ADAM17: variants seen among roughly 807,000 people sequenced by gnomAD.
ADAM17 encodes disintegrin and metalloproteinase domain-containing protein 17.
A neutral mutation model predicts 96.7 loss-of-function variants in ADAM17; 39 were observed. That is an observed-to-expected ratio of 0.40 (90% CI 0.31 to 0.53). The LOEUF (loss-of-function observed/expected upper bound fraction) is 0.53. ADAM17 is among the 20% of genes least tolerant of loss of function. The pLI is 0.44. For synonymous variants in ADAM17, 344 were observed against 359.2 expected (o/e 0.96, Z 0.48); for missense variants, 777 against 1,013.2 (o/e 0.77, Z 3.17).
chr2:9,544,121 CCCTACCCT>C (rs931571036), intron 1 of ADAM17, among the ~76,000 whole-genome samples: 1 of 152,182 alleles, frequency 6.6e-6, no homozygotes, highest in South Asian at 2.1e-4. Context: ...CTACCCAATA[CCCTACCCT>C]CCTACCCTCC....
intron 11 of ADAM17, 130 bp downstream of exon 11, chr2:9,509,849 G>A: frequency 2.5e-6 from 3 of 1,195,068 alleles, no homozygotes; most frequent in Non-Finnish European, 2.3e-6. Flanking sequence ...CACGTTTCAA[G>A]GTACTTTGTA....
In ADAM17 at chr2:9,520,964, C is replaced by CAAAAAAAAAA. The variant is rs55909096; in HGVS notation, c.957+229_957+238dup. Among the ~76,000 whole-genome samples the CAAAAAAAAAA allele has an allele frequency of 4.9e-3, 130 of 26,274 alleles. 5 individuals are homozygous for CAAAAAAAAAA. The highest frequency in any genetic ancestry group is 7.0e-3 in the Non-Finnish European group (80 of 11,376). 17.2% of individuals were successfully genotyped at this position (26,274 alleles called of 152,430 possible). A position where few individuals can be genotyped will look rare whatever the true frequency, so the allele number is the denominator to read the frequency against. On this transcript the variant is annotated intron_variant, in intron 8 of 18. Coordinates refer to ENST00000310823, the MANE Select transcript of ADAM17 (RefSeq NM_003183.6). ...GGGCAACAAGAGTGAAACTCTGTCT[C>CAAAAAAAAAA]AAAAAAAAAAAAAAAAAAAAAAGGA... is the stretch of plus-strand genomic sequence containing the variant.
chr2:9,551,275 C>T (rs1235676728), intron 1 of ADAM17, among the ~76,000 whole-genome samples: 2 of 151,478 alleles, frequency 1.3e-5, no homozygotes, highest in African/African-American at 4.9e-5. Context: ...CGGAGAGATG[C>T]CCATTTCCTT....
In ADAM17 at chr2:9,497,265, G is replaced by A. The variant is rs376793860; in HGVS notation, c.1649-17C>T. On this transcript the variant is annotated splice_polypyrimidine_tract_variant and intron_variant, in intron 13 of 18. Transcript: ENST00000310823. ...TGCTATTACCTGGAAGCAAACACCAGTCATAACAAAAAGAATGAGTCACAG... is the reference window on the plus strand; with the variant it reads ...TGCTATTACCTGGAAGCAAACACCAATCATAACAAAAAGAATGAGTCACAG... 1.9e-6 allele frequency: 3 copies of A among 1,613,450 alleles called. No homozygotes were observed. Among genetic ancestry groups the A allele is most frequent in the Non-Finnish European group, 8.5e-7 (1 of 1,179,676 alleles).
At chr2:9,495,585 T>C (rs1450951523) in intron 14 of ADAM17, among the ~76,000 whole-genome samples, 2 of 151,822 alleles carry the variant, frequency 1.3e-5, no homozygotes, top group African/African-American at 4.8e-5. Context: ...GTGGTGGTGC[T>C]TGCCTGTAGT....
At chr2:9,549,207 C>A (rs1246682350) in intron 1 of ADAM17, among the ~76,000 whole-genome samples, 1 of 152,030 alleles carries the variant, frequency 6.6e-6, no homozygotes, top group African/African-American at 2.4e-5. Flanking sequence ...CCAGTCTCTA[C>A]TAAAAATACA....
Position 9,494,657 on chromosome 2 carries a change from C to T in ADAM17, c.1894G>A (p.Val632Ile), listed in dbSNP as rs371598292. 8.1e-6 allele frequency: 13 copies of T among 1,613,950 alleles called. No homozygotes were observed. The African/African-American group carries it at 1.6e-4, about 20-fold the overall frequency. Residue 632 changes from valine to isoleucine, a missense_variant, in exon 15 of 19, where the codon GTA becomes ATA. Around this residue, in one of 3 missense-constraint regions of ADAM17, gnomAD observed 446 missense variants for 664.7 expected, o/e 0.67. Transcript: ENST00000310823. The stretch of plus-strand genomic sequence containing the variant: ...CTCACATTCATGTCACAAAATCCTA[C>T]TGTACAGGGCTTTCCTTTCCTCAAA... ...LFLRKGKPCTVGFCDMNGKCE... is the reference protein window; with the variant it reads ...LFLRKGKPCTIGFCDMNGKCE...
intron 15 of ADAM17, among the ~76,000 whole-genome samples, 180 bp downstream of exon 15, chr2:9,494,457 C>T (rs912163855): frequency 2.6e-5 from 4 of 152,200 alleles, no homozygotes; most frequent in African/African-American, 9.7e-5. Context: ...AAGGAAACTA[C>T]AGGCAGGGAC....
At chr2:9,551,273 T>G (rs900061395) in intron 1 of ADAM17, among the ~76,000 whole-genome samples, 1 of 151,328 alleles carries the variant, frequency 6.6e-6, no homozygotes, top group Non-Finnish European at 1.5e-5. Context: ...AACGGAGAGA[T>G]GCCCATTTCC....
chr2:9,553,672 C>T (rs1201060876), intron 1 of ADAM17, among the ~76,000 whole-genome samples: 10 of 79,264 alleles, frequency 1.3e-4, no homozygotes, highest in African/African-American at 4.5e-4. Context: ...CAAAACACTG[C>T]CTCAAAAAAA....
intron 1 of ADAM17, among the ~76,000 whole-genome samples, chr2:9,547,015 C>G (rs1665424040): frequency 6.6e-6 from 1 of 152,202 alleles, no homozygotes; most frequent in Non-Finnish European, 1.5e-5. Flanking sequence ...CCCATATTCT[C>G]TCTTTAAAAA....
At chr2:9,539,975 T>C (rs1665140893) in intron 2 of ADAM17, among the ~76,000 whole-genome samples, 1 of 152,184 alleles carries the variant, frequency 6.6e-6, no homozygotes, top group Non-Finnish European at 1.5e-5. Flanking sequence ...AAATATTTAG[T>C]ATGGAAACTT....
In ADAM17 at chr2:9,523,462, T is replaced by C. The variant is rs190572964; in HGVS notation, c.754-124A>G. 1.6e-5 allele frequency: 12 copies of C among 754,622 alleles called. No homozygotes were observed. The Admixed American group carries it at 3.5e-4, about 22-fold the overall frequency. 46.7% of individuals were successfully genotyped at this position (754,622 alleles called of 1,614,324 possible). ...GAGGCCATTGCAAAAGTTTCTACTT[T>C]CGCAAAAACTAGCATTGAGATGTTA... On this transcript the variant is annotated intron_variant, in intron 6 of 18. Transcript: ENST00000310823.
intron 2 of ADAM17, among the ~76,000 whole-genome samples, chr2:9,537,644 A>C (rs1665011634): frequency 1.3e-5 from 2 of 151,870 alleles, no homozygotes; most frequent in South Asian, 2.1e-4. Context: ...AGGCAGGAGA[A>C]TGGAGTGAAC....
At position 9,518,258 on chromosome 2, in the gene ADAM17, CCAAAA is replaced by C; in HGVS notation, c.958-16_958-12del. ...ATCAAAGCTAAATTGCTTTGAAAGA[CCAAAA>C]AAAAAAAAAAAAAAAAAAGCATTCT... On this transcript the variant is annotated splice_polypyrimidine_tract_variant and intron_variant, in intron 8 of 18. Coordinates refer to ENST00000310823, the MANE Select transcript of ADAM17 (RefSeq NM_003183.6). 2 of 683,918 alleles carry C rather than the reference CCAAAA, an allele frequency of 2.9e-6. No homozygotes were observed. The highest frequency in any genetic ancestry group is 6.7e-5 in the South Asian group (1 of 15,000). 42.4% of individuals were successfully genotyped at this position (683,918 alleles called of 1,614,324 possible). A position where few individuals can be genotyped will look rare whatever the true frequency, so the allele number is the denominator to read the frequency against.
At chr2:9,549,368 C>G (rs1665513746) in intron 1 of ADAM17, among the ~76,000 whole-genome samples, 1 of 152,064 alleles carries the variant, frequency 6.6e-6, no homozygotes, top group Non-Finnish European at 1.5e-5. Flanking sequence ...GAGTGAGACT[C>G]CATCTCAAAA....
In ADAM17 at chr2:9,490,169, G is replaced by A. The variant is rs766895883; in HGVS notation, c.*8C>T. On this transcript the variant is annotated 3_prime_UTR_variant, in exon 19 of 19. Transcript: ENST00000310823. ...TGCACACTTAAGTCAGAAGAGCTGA[G>A]AACTAAATTAGCACTCTGTTTCTTT... 2 of 1,584,376 alleles carry A rather than the reference G, an allele frequency of 1.3e-6. No individual in the cohort carries two copies. Among genetic ancestry groups the A allele is most frequent in the Admixed American group, 3.4e-5 (2 of 58,646 alleles).
intron 2 of ADAM17, among the ~76,000 whole-genome samples, chr2:9,539,517 T>C (rs1383735894): frequency 3.9e-5 from 6 of 152,214 alleles, no homozygotes; most frequent in Non-Finnish European, 5.9e-5. Context: ...ATACAACCTC[T>C]CAGTGTTTCT....
At chr2:9,515,560 A>C (rs1319956694) in intron 10 of ADAM17, among the ~76,000 whole-genome samples, 1 of 152,002 alleles carries the variant, frequency 6.6e-6, no homozygotes, top group Non-Finnish European at 1.5e-5. Flanking sequence ...AACATGGTGA[A>C]ACCCCATCTC....
Sources: allele counts gnomAD v4.1 joint callset (sites outside exome capture counted in the v4.1 genomes callset), GRCh38; gene constraint gnomAD v4.1.1; regional missense constraint gnomAD v4.1.1; transcripts MANE v1.5; gene names NCBI Gene and HGNC (gene_info 2026-07-23, HGNC 2026-07-21).